The following TSC22D4 variants were observed in gnomAD, a reference collection of about 807,000 sequenced individuals.
TSC22D4 encodes the protein TSC22 domain family protein 4.
Under a neutral mutation model 24.9 loss-of-function variants are expected in TSC22D4, and 5 were observed. The ratio of observed to expected loss-of-function variants is 0.20; its 90% confidence interval spans 0.10 to 0.42. The LOEUF (loss-of-function observed/expected upper bound fraction) is 0.42. Among genes scored for constraint, TSC22D4 ranks in the 10% least tolerant of loss-of-function variants. The pLI, the probability that TSC22D4 is intolerant of heterozygous loss-of-function variation, is 1.00. For synonymous variants in TSC22D4, 245 were observed against 243.2 expected (o/e 1.01, Z -0.07); for missense variants, 469 against 547.9 (o/e 0.86, Z 1.44).
intron 3 of TSC22D4, chr7:100,467,974 C>G (rs1454143806): frequency 2.0e-6 from 1 of 495,816 alleles, no homozygotes; most frequent in Admixed American, 2.3e-5. Flanking sequence ...AGACACCCCC[C>G]CAATGGAGAG....
At position 100,474,096 on chromosome 7, in the gene TSC22D4, G is replaced by A; in HGVS notation, c.929+178C>T. 1.4e-6 allele frequency: 1 copy of A among 730,268 alleles called. No homozygotes were observed. The highest frequency in any genetic ancestry group is 2.2e-6 in the Non-Finnish European group (1 of 456,900). 45.2% of individuals were successfully genotyped at this position (730,268 alleles called of 1,614,324 possible). On this transcript the variant is annotated intron_variant, in intron 3 of 4. Transcript: ENST00000300181. This position sits in a 1 kb window ranked among gnomAD's most constrained non-coding sequence, Gnocchi z 4.3. ...CCCACCCAGCCCTCTCCACAGAGAGGGAGTGGGTCCGAAATCAACTGTGTG... is the reference window on the plus strand; with the variant it reads ...CCCACCCAGCCCTCTCCACAGAGAGAGAGTGGGTCCGAAATCAACTGTGTG...
intron 3 of TSC22D4, among the ~76,000 whole-genome samples, chr7:100,469,997 T>C (rs2131042870): frequency 6.6e-6 from 1 of 150,968 alleles, no homozygotes; most frequent in East Asian, 1.9e-4. Context: ...CTTGGGGTGG[T>C]GGGAGAGGAG....
chr7:100,475,605 C>G (rs1054188510), intron 2 of TSC22D4, among the ~76,000 whole-genome samples: 7 of 152,194 alleles, frequency 4.6e-5, no homozygotes, highest in Admixed American at 4.6e-4. Flanking sequence ...ACCCACCCCC[C>G]ACTCTCGCTT....
intron 3 of TSC22D4, chr7:100,468,068 G>T (rs1462919241): frequency 2.4e-6 from 1 of 411,000 alleles, no homozygotes; most frequent in Non-Finnish European, 4.9e-6. Context: ...GCAGAGAGGA[G>T]ACAGTGCCTC....
At chr7:100,478,350 A>AGAGT (rs1228276528) in intron 1 of TSC22D4, 43 bp from the exon 2 acceptor site, 1,156 of 83,774 alleles carry the variant, frequency 0.014, 12 homozygotes, top group Admixed American at 0.022. Flanking sequence ...AGAGAGAGAG[A>AGAGT]GTGTGTGTGT....
chr7:100,470,743 G>T (rs1233996637), intron 3 of TSC22D4, among the ~76,000 whole-genome samples: 1 of 152,152 alleles, frequency 6.6e-6, no homozygotes, highest in Non-Finnish European at 1.5e-5. Flanking sequence ...GGAAAGTAGG[G>T]GCTGCTGAGA....
At chr7:100,471,769 A>C (rs766690593) in intron 3 of TSC22D4, among the ~76,000 whole-genome samples, 7 of 152,006 alleles carry the variant, frequency 4.6e-5, no homozygotes, top group East Asian at 1.9e-4. Context: ...CAAAACAAAA[A>C]AAAACCTCCT....
At chr7:100,467,424 C>T in intron 4 of TSC22D4, 128 bp downstream of exon 4, 1 of 1,091,324 alleles carries the variant, frequency 9.2e-7, no homozygotes, top group Non-Finnish European at 1.4e-6. Flanking sequence ...GGATGCCCAG[C>T]AGCCCAGCAG....
At position 100,466,690 on chromosome 7, in the gene TSC22D4, G is replaced by A. The variant is rs889280266; in HGVS notation, c.*269C>T. 1.1e-4 allele frequency: 57 copies of A among 498,866 alleles called. No individual in the cohort carries two copies. The highest frequency in any genetic ancestry group is 1.7e-4 in the Non-Finnish European group (49 of 281,724). 30.9% of individuals were successfully genotyped at this position (498,866 alleles called of 1,614,324 possible). A position where few individuals can be genotyped will look rare whatever the true frequency, so the allele number is the denominator to read the frequency against. On this transcript the variant is annotated 3_prime_UTR_variant, in exon 5 of 5. Transcript: ENST00000300181. The stretch of plus-strand genomic sequence containing the variant: ...GGGGAGCCTCCGACTCCCCCAAGCC[G>A]TCTACTGCTGGGGGGTCCCAGGAGG...
intron 3 of TSC22D4, among the ~76,000 whole-genome samples, chr7:100,468,892 G>A (rs556190638): frequency 5.0e-4 from 76 of 151,550 alleles, no homozygotes; most frequent in Admixed American, 1.1e-3. Context: ...AGCCGAGATC[G>A]TGCTACTGCA....
In TSC22D4 at chr7:100,477,167, C is replaced by G; in HGVS notation, c.762+110G>C. On this transcript the variant is annotated intron_variant, in intron 2 of 4. Coordinates refer to ENST00000300181, the MANE Select transcript of TSC22D4 (RefSeq NM_030935.5). The surrounding 1 kb of genome is among the most constrained non-coding windows in gnomAD (Gnocchi z 7.8). ...GGCACAGAGAAGAGGGCTATCTGAT[C>G]TTATAAAGTGATGGAGAAGGAGGAG... is the stretch of plus-strand genomic sequence containing the variant. 1 of 993,370 alleles carries G rather than the reference C, an allele frequency of 1.0e-6. No individual in the cohort carries two copies. Among genetic ancestry groups the G allele is most frequent in the Non-Finnish European group, 1.4e-6 (1 of 718,898 alleles). The allele number at this position is 993,370 out of a possible 1,614,324, so 61.5% of individuals were successfully genotyped here.
At chr7:100,471,322 C>T (rs1563180888) in intron 3 of TSC22D4, among the ~76,000 whole-genome samples, 1 of 152,170 alleles carries the variant, frequency 6.6e-6, no homozygotes, top group Non-Finnish European at 1.5e-5. Flanking sequence ...ATTGCCGCCA[C>T]CTCTTTGCCT....
chr7:100,469,032 C>A (rs554563284), intron 3 of TSC22D4, among the ~76,000 whole-genome samples: 1 of 151,910 alleles, frequency 6.6e-6, no homozygotes, highest in African/African-American at 2.4e-5. Flanking sequence ...TTGAGACCAG[C>A]CTGGCCAACA....
chr7:100,468,406 C>T (rs1286818455), intron 3 of TSC22D4, among the ~76,000 whole-genome samples: 1 of 152,136 alleles, frequency 6.6e-6, no homozygotes, highest in Non-Finnish European at 1.5e-5. Flanking sequence ...CCATTCTGTC[C>T]CCTCCGTCAC....
intron 3 of TSC22D4, among the ~76,000 whole-genome samples, chr7:100,469,804 A>C (rs1434564313): frequency 6.6e-6 from 1 of 152,138 alleles, no homozygotes; most frequent in Non-Finnish European, 1.5e-5. Context: ...GGGGATCAGC[A>C]CTCAATTCAA....
chr7:100,473,510 C>T (rs12539248), intron 3 of TSC22D4, among the ~76,000 whole-genome samples: 4 of 151,620 alleles, frequency 2.6e-5, no homozygotes, highest in African/African-American at 4.8e-5. Context: ...GGTGCGATCT[C>T]GGCTCACTGC....
intron 1 of TSC22D4, 109 bp downstream of exon 1, chr7:100,478,683 CAG>C (rs1799563996): frequency 6.6e-6 from 1 of 152,578 alleles, no homozygotes. Flanking sequence ...CCCGGCCACT[CAG>C]AGAGACCTCT....
In TSC22D4 at chr7:100,477,485, G is replaced by A. The variant is rs752793037; in HGVS notation, c.554C>T (p.Pro185Leu). The change falls in exon 2 of 5, where the codon CCA becomes CTA. Residue 185 changes from proline to leucine, a missense_variant. Coordinates refer to ENST00000300181, the MANE Select transcript of TSC22D4 (RefSeq NM_030935.5). The surrounding 1 kb of genome is among the most constrained non-coding windows in gnomAD (Gnocchi z 7.8). ...CTGCTGGGGTGAGGAGGCCGACAGT[G>A]GGGGTTTCTCTGCCTTGGCTTTGCT... Reference protein sequence around the residue: ...VPSKAKAEKPPLSASSPQQRP... With the variant: ...VPSKAKAEKPLLSASSPQQRP... 5 of 1,553,630 alleles carry A rather than the reference G, an allele frequency of 3.2e-6. No individual in the cohort carries two copies. The highest frequency in any genetic ancestry group is 4.3e-6 in the Non-Finnish European group (5 of 1,151,424).
chr7:100,477,838 G>C lies in TSC22D4; in HGVS notation c.201C>G (p.Ala67=). The part of the protein sequence containing the change: ...TPRNGSPPPG[A]PSSRFRVVKL... ...TCACCACCCGGAAACGGGAGGAAGGGGCCCCAGGTGGTGGGGAGCCATTCC... is the reference window on the plus strand; with the variant it reads ...TCACCACCCGGAAACGGGAGGAAGGCGCCCCAGGTGGTGGGGAGCCATTCC... The change falls in exon 2 of 5, where the codon GCC becomes GCG. Residue 67 remains alanine, a synonymous_variant. Coordinates refer to ENST00000300181, the MANE Select transcript of TSC22D4 (RefSeq NM_030935.5). The surrounding 1 kb of genome is among the most constrained non-coding windows in gnomAD (Gnocchi z 7.8). 1.2e-6 allele frequency: 2 copies of C among 1,600,770 alleles called. No individual in the cohort carries two copies. The highest frequency in any genetic ancestry group is 1.7e-6 in the Non-Finnish European group (2 of 1,176,182).
Sources: gnomAD v4.1 joint callset for allele counts (sites outside exome capture counted in the v4.1 genomes callset) on GRCh38, gnomAD v4.1.1 for gene constraint, Gnocchi (gnomAD v3.1) non-coding constraint, MANE v1.5 for transcripts, NCBI Gene and HGNC (gene_info 2026-07-23, HGNC 2026-07-21) for gene names.